The following ETV1 variants were observed in gnomAD, a reference collection of about 807,000 sequenced individuals.
ETV1 encodes ETS translocation variant 1.
Under a neutral mutation model 62.3 loss-of-function variants are expected in ETV1, and 27 were observed. The observed-to-expected ratio is 0.43, with a 90% CI of 0.32 to 0.60. The LOEUF is 0.60. Among genes scored for constraint, ETV1 ranks in the 20% least tolerant of loss-of-function variants. The pLI is 0.06. For synonymous variants in ETV1, 222 were observed against 199.6 expected, an observed-to-expected ratio of 1.11 and a Z score of -0.94; for missense variants, 605 against 605.8, an observed-to-expected ratio of 1.00 and a Z score of 0.01.
chr7:13,900,334 G>C (rs1782280479), intron 13 of ETV1: 2 of 158,182 alleles, frequency 1.3e-5, no homozygotes, highest in Non-Finnish European at 2.8e-5. Context: ...AGAAATGTCT[G>C]TTTTAAGAAT....
Position 13,893,468 on chromosome 7 carries a change from C to G in ETV1, c.*2398G>C. ...ATTATGTATTTAGTTCAGTGAGTCA[C>G]TACGTTAAAACAGCAAAACATATAG... On this transcript the variant is annotated 3_prime_UTR_variant, in exon 14 of 14. Coordinates refer to ENST00000430479, the MANE Select transcript of ETV1 (RefSeq NM_004956.5). 1 of 231,100 alleles carries G rather than the reference C, an allele frequency of 4.3e-6. No homozygotes were observed. The highest frequency in any genetic ancestry group is 8.6e-6 in the Non-Finnish European group (1 of 116,834). 14.3% of individuals were successfully genotyped at this position (231,100 alleles called of 1,614,324 possible). A position where few individuals can be genotyped will look rare whatever the true frequency, so the allele number is the denominator to read the frequency against.
At chr7:13,929,879 C>T (rs1785888766) in intron 9 of ETV1, among the ~76,000 whole-genome samples, 1 of 152,164 alleles carries the variant, frequency 6.6e-6, no homozygotes, top group Non-Finnish European at 1.5e-5. Flanking sequence ...AGTCACAGGG[C>T]TCTCTTTTGC....
chr7:13,963,858 A>G (rs1389273325), intron 6 of ETV1, among the ~76,000 whole-genome samples: 3 of 152,220 alleles, frequency 2.0e-5, no homozygotes, highest in African/African-American at 7.2e-5. Flanking sequence ...GCTTTATCAC[A>G]AAATGGGATG....
intron 13 of ETV1, among the ~76,000 whole-genome samples, chr7:13,897,146 C>A (rs1167211123): frequency 3.0e-5 from 4 of 133,996 alleles, no homozygotes; most frequent in Non-Finnish European, 4.7e-5. Context: ...TCTCAAAACC[C>A]GGGGTGGGGG....
intron 13 of ETV1, among the ~76,000 whole-genome samples, chr7:13,899,887 T>G (rs891237778): frequency 1.9e-4 from 29 of 152,204 alleles, no homozygotes; most frequent in Non-Finnish European, 3.1e-4. Context: ...CCTAGCCCCT[T>G]GGAGGCCAAG....
rs565535379 is a variant in ETV1 at position 13,900,410 on chromosome 7, A to C, written c.1212+328T>G. On this transcript the variant is annotated intron_variant, in intron 13 of 13. Transcript: ENST00000430479. Reference sequence around the variant, plus strand: ...TATTGCTATAAACAAAAGCATTCCAAAATTATATAATTGTAGACAATGTGC... The same window carrying C: ...TATTGCTATAAACAAAAGCATTCCACAATTATATAATTGTAGACAATGTGC... 3 of 223,254 alleles carry C rather than the reference A, an allele frequency of 1.3e-5. No homozygotes were observed. The South Asian group carries it at 5.5e-4, about 41-fold the overall frequency. The allele number at this position is 223,254 out of a possible 1,614,324, so 13.8% of individuals were successfully genotyped here.
chr7:13,966,424 G>C (rs1349768960), intron 6 of ETV1, among the ~76,000 whole-genome samples: 1 of 152,092 alleles, frequency 6.6e-6, no homozygotes. Context: ...CTTGGTCTCA[G>C]GAGTTCAAGA....
At chr7:13,930,847 C>G (rs189205392) in intron 9 of ETV1, among the ~76,000 whole-genome samples, 1,607 of 152,094 alleles carry the variant, frequency 0.011, 33 homozygotes, top group African/African-American at 0.037. Flanking sequence ...GTCACCCAGG[C>G]TGGAGTGCAG....
intron 9 of ETV1, among the ~76,000 whole-genome samples, chr7:13,916,694 C>T (rs944873816): frequency 4.6e-5 from 7 of 151,852 alleles, no homozygotes; most frequent in Non-Finnish European, 1.0e-4. Flanking sequence ...TTTGGGAGGC[C>T]GAGGTGGGAG....
At chr7:13,937,463 A>C (rs1786937309) in intron 7 of ETV1, among the ~76,000 whole-genome samples, 1 of 152,214 alleles carries the variant, frequency 6.6e-6, no homozygotes, top group Non-Finnish European at 1.5e-5. Context: ...GCCATATATC[A>C]CTGTGGGGAC....
rs563754589 is a variant in ETV1 at position 13,892,944 on chromosome 7, A to G, written c.*2922T>C. Reference sequence around the variant, plus strand: ...ACTATAAGATAAATTTGTGTAAATTACTGAAGTTGTGGTAATTGGTTACAG... The same window carrying G: ...ACTATAAGATAAATTTGTGTAAATTGCTGAAGTTGTGGTAATTGGTTACAG... On this transcript the variant is annotated 3_prime_UTR_variant, in exon 14 of 14. Transcript: ENST00000430479. 2 of 232,448 alleles carry G rather than the reference A, an allele frequency of 8.6e-6. No individual in the cohort carries two copies. The highest frequency in any genetic ancestry group is 4.4e-5 in the African/African-American group (2 of 45,422). 14.4% of individuals were successfully genotyped at this position (232,448 alleles called of 1,614,324 possible).
At chr7:13,941,953 T>C (rs1787575293) in intron 6 of ETV1, among the ~76,000 whole-genome samples, 1 of 151,702 alleles carries the variant, frequency 6.6e-6, no homozygotes, top group Admixed American at 6.6e-5. Context: ...GTTGTCTGTG[T>C]GTAGGCGAGA....
intron 6 of ETV1, among the ~76,000 whole-genome samples, chr7:13,975,271 G>C (rs1781314347): frequency 6.6e-6 from 1 of 152,100 alleles, no homozygotes; most frequent in African/African-American, 2.4e-5. Context: ...TAAAATAAGA[G>C]GAAAGGGGCT....
intron 9 of ETV1, among the ~76,000 whole-genome samples, chr7:13,913,878 C>CTTTTTTTTTTT (rs544899107): frequency 4.5e-5 from 4 of 87,968 alleles, no homozygotes; most frequent in East Asian, 3.5e-4. Flanking sequence ...GGGGGTACCT[C>CTTTTTTTTTTT]TTTTTTTTTT....
intron 11 of ETV1, chr7:13,907,798 G>C: frequency 2.1e-6 from 1 of 469,348 alleles, no homozygotes; most frequent in Non-Finnish European, 4.4e-6. Flanking sequence ...CTTACCTATG[G>C]TCAGTAGAGA....
chr7:13,988,646 C>T (rs1583921303), intron 3 of ETV1: 2 of 1,563,626 alleles, frequency 1.3e-6, no homozygotes, highest in Non-Finnish European at 1.7e-6. Flanking sequence ...AAAAACACCC[C>T]ATATAAACAA....
intron 6 of ETV1, among the ~76,000 whole-genome samples, chr7:13,954,695 C>T (rs950765081): frequency 1.3e-5 from 2 of 152,056 alleles, no homozygotes; most frequent in African/African-American, 4.8e-5. Context: ...ATTTTAGCAC[C>T]AAAATGACAT....
chr7:13,977,643 A>G (rs1356137142), intron 5 of ETV1, among the ~76,000 whole-genome samples, 163 bp from the exon 6 acceptor site: 3 of 152,214 alleles, frequency 2.0e-5, no homozygotes, highest in African/African-American at 7.2e-5. Flanking sequence ...AACACTACTT[A>G]GGAGGAGAAA....
chr7:13,965,088 C>T (rs571169327), intron 6 of ETV1, among the ~76,000 whole-genome samples: 1 of 152,306 alleles, frequency 6.6e-6, no homozygotes, highest in South Asian at 2.1e-4. Context: ...TCCCAAACGG[C>T]TGTTCTCCTC....
Sources: gnomAD v4.1 joint callset for allele counts (sites outside exome capture counted in the v4.1 genomes callset) on GRCh38, gnomAD v4.1.1 for gene constraint, MANE v1.5 for transcripts, NCBI Gene and HGNC (gene_info 2026-07-23, HGNC 2026-07-21) for gene names.